Variants in KRT1 observed in about 807,000 individuals in gnomAD.
KRT1 encodes keratin 1, also known as keratin, type II cytoskeletal 1.
Under a neutral mutation model 51.6 loss-of-function variants are expected in KRT1, and 28 were observed. The observed-to-expected ratio is 0.54, with a 90% confidence interval of 0.40 to 0.74. KRT1 has a LOEUF of 0.74. Among genes scored for constraint, KRT1 ranks in the 30% least tolerant of loss-of-function variants. KRT1 has a pLI of 0.00. For missense variants in KRT1, 783 were observed against 815.5 expected, an observed-to-expected ratio of 0.96 and a Z score of 0.49; for synonymous variants, 301 against 307.7, an observed-to-expected ratio of 0.98 and a Z score of 0.23.
At chr12:52,676,678 A>G (rs531824328) in intron 6 of KRT1, among the ~76,000 whole-genome samples, 183 bp from the exon 7 acceptor site, 19 of 152,276 alleles carry the variant, frequency 1.2e-4, no homozygotes, top group African/African-American at 4.3e-4. Context: ...GACCTTAGGG[A>G]TAACTCAACA....
Position 52,674,871 on chromosome 12 carries a change from C to A in KRT1, c.*322G>T. 2.0e-6 allele frequency: 1 copy of A among 509,088 alleles called. No homozygotes were observed. The allele number at this position is 509,088 out of a possible 1,614,324, so 31.5% of individuals were successfully genotyped here. A position where few individuals can be genotyped will look rare whatever the true frequency, so the allele number is the denominator to read the frequency against. ...AGAGATAAGATGCTAAGGAGCTGTC[C>A]ACACCCTGGGTCTAACTGGTCCTAC... On this transcript the variant is annotated 3_prime_UTR_variant, in exon 9 of 9. Transcript: ENST00000252244.
At chr12:52,678,373 C>G (rs1432955833) in intron 2 of KRT1, 150 bp from the exon 3 acceptor site, 1 of 1,050,444 alleles carries the variant, frequency 9.5e-7, no homozygotes, top group East Asian at 2.5e-5. Flanking sequence ...AATAAAACCA[C>G]TAGACTATTT....
chr12:52,678,380 A>G (rs1322834569), intron 2 of KRT1, among the ~76,000 whole-genome samples, 157 bp from the exon 3 acceptor site: 1 of 152,190 alleles, frequency 6.6e-6, no homozygotes, highest in African/African-American at 2.4e-5. Context: ...CCACTAGACT[A>G]TTTCCATCTC....
Position 52,675,751 on chromosome 12 carries a change from G to GAGAAAATA in KRT1, c.1476-15_1476-8dup. The GAGAAAATA allele has an allele frequency of 6.2e-7, 1 of 1,614,060 alleles. No individual in the cohort carries two copies. Among genetic ancestry groups the GAGAAAATA allele is most frequent in the Non-Finnish European group, 8.5e-7 (1 of 1,180,028 alleles). ...GGCACATTCTCCAGACATCCTGTAG[G>GAGAAAATA]AGAAAATAAGAAAATTCCTCAGGAC... On this transcript the variant is annotated splice_region_variant and splice_polypyrimidine_tract_variant and intron_variant, in intron 7 of 8. Coordinates refer to ENST00000252244, the MANE Select transcript of KRT1 (RefSeq NM_006121.4).
chr12:52,675,630 G>A lies in KRT1; in HGVS notation c.1511-13C>T, dbSNP rs745632506. 7 of 1,614,066 alleles carry A rather than the reference G, an allele frequency of 4.3e-6. No homozygotes were observed. Among genetic ancestry groups the A allele is most frequent in the African/African-American group, 1.3e-5 (1 of 74,900 alleles). ...CTTGTGCTCACAGCTGCAAGAGGAAGCTCAGTTATTTTCAACCTCAACTCC... is the reference window on the plus strand; with the variant it reads ...CTTGTGCTCACAGCTGCAAGAGGAAACTCAGTTATTTTCAACCTCAACTCC... On this transcript the variant is annotated splice_polypyrimidine_tract_variant and intron_variant, in intron 8 of 8. Transcript: ENST00000252244.
At chr12:52,678,299 C>T (rs1051232172) in intron 2 of KRT1, 76 bp from the exon 3 acceptor site, 20 of 1,434,800 alleles carry the variant, frequency 1.4e-5, no homozygotes, top group Non-Finnish European at 1.9e-5. Context: ...CTAAAGGTGG[C>T]ATTGCCTATC....
chr12:52,675,217 G>T lies in KRT1; in HGVS notation c.1911C>A (p.Thr637=). The T allele has an allele frequency of 6.2e-7, 1 of 1,613,846 alleles. No homozygotes were observed. The highest frequency in any genetic ancestry group is 8.5e-7 in the Non-Finnish European group (1 of 1,180,030). ...TTTATCTGGTTACTCCGGAATAAGT[G>T]GTAGAAACAAACTTCACGCTGGAAC... ...GGSSSVKFVS[T]TYSGVTR is the part of the protein sequence containing the mutation. The change falls in exon 9 of 9, where the codon ACC becomes ACA. Residue 637 remains threonine (T), a synonymous_variant. Transcript: ENST00000252244.
In KRT1 at chr12:52,678,670, A is replaced by C; in HGVS notation, c.678T>G (p.Asn226Lys). Reference protein sequence around the residue: ...QQVDTSTRTHNLEPYFESFIN... With the variant: ...QQVDTSTRTHKLEPYFESFIN... ...TGAATGACTCAAAGTAGGGCTCTAAATTATGGGTTCTAGTGGAGGTATCTA... is the reference window on the plus strand; with the variant it reads ...TGAATGACTCAAAGTAGGGCTCTAACTTATGGGTTCTAGTGGAGGTATCTA... The change falls in exon 2 of 9, where the codon AAT becomes AAG. Residue 226 changes from asparagine (N) to lysine (K), a missense_variant. Physicochemically the swap from Asn to Lys is moderately conservative, Grantham distance 94. Transcript: ENST00000252244. The C allele has an allele frequency of 1.9e-6, 3 of 1,614,194 alleles. No homozygotes were observed. Among genetic ancestry groups the C allele is most frequent in the Non-Finnish European group, 2.5e-6 (3 of 1,180,032 alleles).
At chr12:52,678,086 G>T in intron 3 of KRT1, 77 bp downstream of exon 3, 1 of 1,412,292 alleles carries the variant, frequency 7.1e-7, no homozygotes, top group Non-Finnish European at 1.0e-6. Context: ...TATCATGGCT[G>T]CTTTCTGCTT....
chr12:52,677,203 G>T lies in KRT1; in HGVS notation c.1129-19C>A, dbSNP rs367758133. ...CTTCATACTAAAGATGGTAGATAGC[G>T]TTTGTTAAATGTAGGCAGAACTCAG... is the stretch of plus-strand genomic sequence containing the variant. On this transcript the variant is annotated intron_variant, in intron 5 of 8. Transcript: ENST00000252244. 1 of 1,614,160 alleles carries T rather than the reference G, an allele frequency of 6.2e-7. No individual in the cohort carries two copies. Among genetic ancestry groups the T allele is most frequent in the Non-Finnish European group, 8.5e-7 (1 of 1,180,040 alleles).
chr12:52,679,976 CACT>C lies in KRT1; in HGVS notation c.370_372del (p.Ser124del). 6.2e-7 allele frequency: 1 copy of C among 1,608,896 alleles called. No individual in the cohort carries two copies. On this transcript the variant is annotated inframe_deletion, in exon 1 of 9. Coordinates refer to ENST00000252244, the MANE Select transcript of KRT1 (RefSeq NM_006121.4). ...CCACCTCCACCAAAACCACCACCACCACTGCCAAAACCACCAAAGCCACCACCC... is the reference window on the plus strand; with the variant it reads ...CCACCTCCACCAAAACCACCACCACCGCCAAAACCACCAAAGCCACCACCC...
Position 52,675,062 on chromosome 12 carries a change from G to T in KRT1, c.*131C>A. The T allele has an allele frequency of 8.5e-7, 1 of 1,170,240 alleles. No individual in the cohort carries two copies. Among genetic ancestry groups the T allele is most frequent in the Non-Finnish European group, 1.3e-6 (1 of 778,236 alleles). The allele number at this position is 1,170,240 out of a possible 1,614,324, so 72.5% of individuals were successfully genotyped here. ...CAGAAAAGAAAGAGCTGGGGGAATA[G>T]GATGAGCTAGTGTAACTAACCATAG... On this transcript the variant is annotated 3_prime_UTR_variant, in exon 9 of 9. Coordinates refer to ENST00000252244, the MANE Select transcript of KRT1 (RefSeq NM_006121.4).
At chr12:52,678,453 A>C (rs926654092) in intron 2 of KRT1, 89 bp downstream of exon 2, 1 of 1,315,852 alleles carries the variant, frequency 7.6e-7, no homozygotes, top group Non-Finnish European at 1.1e-6. Context: ...GAAAAGACAT[A>C]GCTACATGCT....
rs767422677 is a variant in KRT1, at chr12:52,675,720, G to A, written c.1500C>T (p.Asn500=). The part of the protein sequence containing the change: ...ESRMSGECAP[N]VSVSVSTSHT... ...TCGACTTGTACTTACACACACTCAC[G>A]TTCGGGGCACATTCTCCAGACATCC... Residue 500 remains asparagine (N), a synonymous_variant, in exon 8 of 9, where the codon AAC becomes AAT. Coordinates refer to ENST00000252244, the MANE Select transcript of KRT1 (RefSeq NM_006121.4). 11 of 1,614,024 alleles carry A rather than the reference G, an allele frequency of 6.8e-6. No individual in the cohort carries two copies. Among genetic ancestry groups the A allele is most frequent in the East Asian group, 6.7e-5 (3 of 44,906 alleles).
chr12:52,679,089 G>A (rs1369057051), intron 1 of KRT1, among the ~76,000 whole-genome samples: 1 of 152,076 alleles, frequency 6.6e-6, no homozygotes, highest in African/African-American at 2.4e-5. Context: ...GCATCCCCAG[G>A]ACACACACAC....
intron 1 of KRT1, among the ~76,000 whole-genome samples, chr12:52,679,338 A>C (rs968557767): frequency 6.6e-6 from 1 of 152,144 alleles, no homozygotes; most frequent in Non-Finnish European, 1.5e-5. Flanking sequence ...CTGACTGACC[A>C]CATGTTTTCT....
In KRT1 at chr12:52,678,557, TCCA is replaced by T; in HGVS notation, c.788_790del (p.Val263del). On this transcript the variant is annotated inframe_deletion, in exon 2 of 9. Transcript: ENST00000252244. The stretch of plus-strand genomic sequence containing the variant: ...GGTCCCTTACTTGTTCCGGTAATCC[TCCA>T]CCATGTCCTGCATGTTCTTCAGTTC... The T allele has an allele frequency of 6.2e-7, 1 of 1,614,242 alleles. No individual in the cohort carries two copies. The highest frequency in any genetic ancestry group is 1.1e-5 in the South Asian group (1 of 91,086).
intron 6 of KRT1, 71 bp from the exon 7 acceptor site, chr12:52,676,566 C>T: frequency 1.4e-6 from 2 of 1,481,276 alleles, no homozygotes; most frequent in African/African-American, 1.4e-5. Context: ...ATTGGTCTCC[C>T]CACTCCAGTG....
rs201544335 is a variant in KRT1 at position 52,677,192 on chromosome 12, T to C, written c.1129-8A>G. The stretch of plus-strand genomic sequence containing the variant: ...GATCTGCAGCTCTTCATACTAAAGA[T>C]GGTAGATAGCGTTTGTTAAATGTAG... On this transcript the variant is annotated splice_region_variant and splice_polypyrimidine_tract_variant and intron_variant, in intron 5 of 8. Coordinates refer to ENST00000252244, the MANE Select transcript of KRT1 (RefSeq NM_006121.4). 2.1e-5 allele frequency: 34 copies of C among 1,614,168 alleles called. No individual in the cohort carries two copies. In the East Asian group the frequency reaches 7.1e-4, roughly 34 times the overall value.
Sources: allele counts gnomAD v4.1 joint callset (sites outside exome capture counted in the v4.1 genomes callset), GRCh38; gene constraint gnomAD v4.1.1; transcripts MANE v1.5; gene names NCBI Gene and HGNC (gene_info 2026-07-23, HGNC 2026-07-21).